The following EMILIN2 variants were observed in gnomAD, a reference collection of about 807,000 sequenced individuals.
EMILIN2 encodes the protein elastin microfibril interfacer 2.
A neutral mutation model predicts 87.1 loss-of-function variants in EMILIN2; 71 were observed. The observed-to-expected ratio is 0.82, with a 90% CI of 0.67 to 0.99. The LOEUF (loss-of-function observed/expected upper bound fraction) is 0.99. Ranked by LOEUF, EMILIN2 falls within the 50% of genes least tolerant of loss-of-function variation. EMILIN2 has a pLI of 0.00. For missense variants in EMILIN2, 1,407 were observed against 1,371.8 expected (o/e 1.03, Z -0.40); for synonymous variants, 581 against 563.4 (o/e 1.03, Z -0.44).
intron 4 of EMILIN2, among the ~76,000 whole-genome samples, chr18:2,904,487 A>G (rs898487841): frequency 2.6e-5 from 4 of 152,208 alleles, no homozygotes; most frequent in African/African-American, 9.6e-5. Context: ...TCATTTCGTC[A>G]TCATGTTCTA....
rs2076795127 is a variant in EMILIN2 at position 2,884,834 on chromosome 18, A to G, written c.258-130A>G. Reference sequence around the variant, plus strand: ...TCAGATCTGGACTGAGGAGACCAACATCCCCTCTGGGCCAGCCTGGAGAGC... The same window carrying G: ...TCAGATCTGGACTGAGGAGACCAACGTCCCCTCTGGGCCAGCCTGGAGAGC... On this transcript the variant is annotated intron_variant, in intron 2 of 7. Transcript: ENST00000254528. The G allele has an allele frequency of 5.3e-6, 5 of 940,396 alleles. No homozygotes were observed. The Admixed American group carries it at 1.6e-4, about 30-fold the overall frequency. 58.3% of individuals were successfully genotyped at this position (940,396 alleles called of 1,614,324 possible). A position where few individuals can be genotyped will look rare whatever the true frequency, so the allele number is the denominator to read the frequency against.
intron 3 of EMILIN2, among the ~76,000 whole-genome samples, chr18:2,887,594 T>C (rs899658813): frequency 3.9e-5 from 6 of 152,186 alleles, no homozygotes; most frequent in Non-Finnish European, 5.9e-5. Flanking sequence ...ACACTGGCCC[T>C]CTTTTCACCT....
intron 4 of EMILIN2, among the ~76,000 whole-genome samples, chr18:2,895,198 G>C (rs901685334): frequency 6.6e-6 from 1 of 152,020 alleles, no homozygotes; most frequent in Non-Finnish European, 1.5e-5. Context: ...TGAGTGTTCA[G>C]AGAAGCACCC....
intron 7 of EMILIN2, among the ~76,000 whole-genome samples, chr18:2,911,002 G>A (rs1568487884): frequency 6.6e-6 from 1 of 152,182 alleles, no homozygotes; most frequent in African/African-American, 2.4e-5. Flanking sequence ...GTGGCCTTTG[G>A]GGTCAGTACA....
intron 2 of EMILIN2, among the ~76,000 whole-genome samples, chr18:2,849,327 T>C (rs1381525746): frequency 2.0e-5 from 3 of 152,256 alleles, no homozygotes; most frequent in Non-Finnish European, 2.9e-5. Flanking sequence ...ATTCATCTTA[T>C]ACAAGAACTG....
chr18:2,909,749 C>T lies in EMILIN2; in HGVS notation c.2754C>T (p.Pro918=), dbSNP rs761995004. ...FSAGLTQKPF[P]SDGGVVLFNK... is the part of the protein sequence containing the mutation. ...CGGGGCTCACCCAGAAGCCTTTCCC[C>T]AGTGATGGGGGCGTTGTCCTCTTTA... Residue 918 remains proline (P), a synonymous_variant, in exon 7 of 8, where the codon CCC becomes CCT. Coordinates refer to ENST00000254528, the MANE Select transcript of EMILIN2 (RefSeq NM_032048.3). The T allele has an allele frequency of 2.5e-6, 4 of 1,613,728 alleles. No individual in the cohort carries two copies. Among genetic ancestry groups the T allele is most frequent in the Non-Finnish European group, 3.4e-6 (4 of 1,179,860 alleles).
At chr18:2,905,722 C>T (rs1430123672) in intron 4 of EMILIN2, among the ~76,000 whole-genome samples, 1 of 151,992 alleles carries the variant, frequency 6.6e-6, no homozygotes, top group Non-Finnish European at 1.5e-5. Flanking sequence ...CCTGCCTCAG[C>T]CTCCCGAGTA....
At chr18:2,910,530 G>A (rs2076935704) in intron 7 of EMILIN2, among the ~76,000 whole-genome samples, 1 of 152,188 alleles carries the variant, frequency 6.6e-6, no homozygotes, top group Non-Finnish European at 1.5e-5. Flanking sequence ...TCAGGACAGA[G>A]CTCCCAGGCA....
rs141500963 is a variant in EMILIN2 at position 2,871,938 on chromosome 18, C to G, written c.258-13026C>G. 3.6e-3 allele frequency among the ~76,000 whole-genome samples: 540 copies of G among 152,028 alleles called. 3 individuals carry two copies. Among genetic ancestry groups the G allele is most frequent in the African/African-American group, 0.012 (483 of 41,444 alleles). ...AAAGCTTTTTCCTTTTTTATCCTTTCAATGTCTGGGGGGCAAAAGAGGAGC... is the reference window on the plus strand; with the variant it reads ...AAAGCTTTTTCCTTTTTTATCCTTTGAATGTCTGGGGGGCAAAAGAGGAGC... On this transcript the variant is annotated intron_variant, in intron 2 of 7. Coordinates refer to ENST00000254528, the MANE Select transcript of EMILIN2 (RefSeq NM_032048.3).
In EMILIN2 at chr18:2,847,153, G is replaced by T; in HGVS notation, c.-36G>T. 5 of 1,067,924 alleles carry T rather than the reference G, an allele frequency of 4.7e-6. No individual in the cohort carries two copies. Among genetic ancestry groups the T allele is most frequent in the South Asian group, 3.7e-5 (1 of 27,256 alleles). 66.2% of individuals were successfully genotyped at this position (1,067,924 alleles called of 1,614,324 possible). A position where few individuals can be genotyped will look rare whatever the true frequency, so the allele number is the denominator to read the frequency against. On this transcript the variant is annotated 5_prime_UTR_variant, in exon 1 of 8. Transcript: ENST00000254528. This position sits in a 1 kb window ranked among gnomAD's most constrained non-coding sequence, Gnocchi z 4.5. ...CGGTGCCCCGATCCGCCGCGCTCCG[G>T]ACCCGGGCAGGCGGGGCGCGCCCGC...
chr18:2,887,668 G>A (rs1335041883), intron 3 of EMILIN2, among the ~76,000 whole-genome samples: 1 of 152,050 alleles, frequency 6.6e-6, no homozygotes, highest in Non-Finnish European at 1.5e-5. Flanking sequence ...CATGTTTCTT[G>A]TACAGCCTAC....
chr18:2,850,067 C>A (rs534151660), intron 2 of EMILIN2, among the ~76,000 whole-genome samples: 1 of 150,870 alleles, frequency 6.6e-6, no homozygotes, highest in African/African-American at 2.4e-5. Context: ...GCTGGGACTA[C>A]AGGTGTGTGC....
chr18:2,878,143 C>T lies in EMILIN2; in HGVS notation c.258-6821C>T, dbSNP rs867163368. On this transcript the variant is annotated intron_variant, in intron 2 of 7. Coordinates refer to ENST00000254528, the MANE Select transcript of EMILIN2 (RefSeq NM_032048.3). The stretch of plus-strand genomic sequence containing the variant: ...GTTAGTGGTGATGATTACATAACAA[C>T]GTTAAGTGTGCTTAACACCGCACAA... Among the ~76,000 whole-genome samples, 4 of 1,896 alleles carry T rather than the reference C, an allele frequency of 2.1e-3. No individual in the cohort carries two copies. The Non-Finnish European group carries it at 0.034, about 16-fold the overall frequency. 1.2% of individuals were successfully genotyped at this position (1,896 alleles called of 152,430 possible).
rs1248503036 is a variant in EMILIN2, at chr18:2,847,177, G to A, written c.-12G>A. The A allele has an allele frequency of 6.3e-6, 7 of 1,111,278 alleles. No individual in the cohort carries two copies. The Admixed American group carries it at 3.1e-4, about 49-fold the overall frequency. The allele number at this position is 1,111,278 out of a possible 1,614,324, so 68.8% of individuals were successfully genotyped here. A position where few individuals can be genotyped will look rare whatever the true frequency, so the allele number is the denominator to read the frequency against. Reference sequence around the variant, plus strand: ...GGACCCGGGCAGGCGGGGCGCGCCCGCTGCGCGCGGGATGTGGCAGCCCAG... The same window carrying A: ...GGACCCGGGCAGGCGGGGCGCGCCCACTGCGCGCGGGATGTGGCAGCCCAG... On this transcript the variant is annotated 5_prime_UTR_variant, in exon 1 of 8. Transcript: ENST00000254528. The surrounding 1 kb of genome is among the most constrained non-coding windows in gnomAD (Gnocchi z 4.5).
At chr18:2,859,524 G>A (rs561303651) in intron 2 of EMILIN2, among the ~76,000 whole-genome samples, 43 of 152,270 alleles carry the variant, frequency 2.8e-4, no homozygotes, top group African/African-American at 1.0e-3. Context: ...TGGGTTGTCT[G>A]TTTACCCTGC....
chr18:2,887,393 A>G (rs981168469), intron 3 of EMILIN2, among the ~76,000 whole-genome samples: 5 of 152,164 alleles, frequency 3.3e-5, no homozygotes, highest in South Asian at 2.1e-4. Flanking sequence ...GTGATCTTCA[A>G]TGTGGGAGAT....
At chr18:2,862,766 C>A (rs951549301) in intron 2 of EMILIN2, among the ~76,000 whole-genome samples, 5 of 152,132 alleles carry the variant, frequency 3.3e-5, no homozygotes, top group African/African-American at 7.2e-5. Flanking sequence ...GCCTCTTTTT[C>A]TATTGATTGG....
At chr18:2,860,181 T>A (rs904296179) in intron 2 of EMILIN2, among the ~76,000 whole-genome samples, 4 of 152,226 alleles carry the variant, frequency 2.6e-5, no homozygotes, top group African/African-American at 9.6e-5. Context: ...TTCACAATAC[T>A]GATTCTACCC....
At chr18:2,888,605 C>T (rs568376815) in intron 3 of EMILIN2, among the ~76,000 whole-genome samples, 16 of 151,402 alleles carry the variant, frequency 1.1e-4, no homozygotes, top group Admixed American at 5.9e-4. Flanking sequence ...GTCCCAGCTA[C>T]TCGGGAGGCT....
Sources: gnomAD v4.1 joint callset for allele counts (sites outside exome capture counted in the v4.1 genomes callset) on GRCh38, gnomAD v4.1.1 for gene constraint, Gnocchi (gnomAD v3.1) non-coding constraint, MANE v1.5 for transcripts, NCBI Gene and HGNC (gene_info 2026-07-23, HGNC 2026-07-21) for gene names.